The following TMEM243 variants were observed in gnomAD, a reference collection of about 807,000 sequenced individuals.
The protein encoded by TMEM243 is MDR1 and mitochondrial taxol resistance associated.
A neutral mutation model predicts 15.0 loss-of-function variants in TMEM243; 20 were observed. The ratio of observed to expected loss-of-function variants is 1.33; its 90% CI spans 0.94 to 1.93. The LOEUF (loss-of-function observed/expected upper bound fraction) is 1.93. TMEM243 is among the 30% of genes most tolerant of loss of function. TMEM243 has a pLI of 0.00. For missense variants in TMEM243, 156 were observed against 142.1 expected, an observed-to-expected ratio of 1.10 and a Z score of -0.50; for synonymous variants, 72 against 52.7, an observed-to-expected ratio of 1.37 and a Z score of -1.59.
chr7:87,217,796 A>G (rs1803218484), intron 1 of TMEM243, among the ~76,000 whole-genome samples: 1 of 152,288 alleles, frequency 6.6e-6, no homozygotes, highest in African/African-American at 2.4e-5. Flanking sequence ...TTGGAATAAT[A>G]AAGTTCTTGA....
At chr7:87,218,955 C>T (rs1169490770) in intron 1 of TMEM243, among the ~76,000 whole-genome samples, 1 of 152,154 alleles carries the variant, frequency 6.6e-6, no homozygotes, top group Non-Finnish European at 1.5e-5. Context: ...GAATCCCTCA[C>T]CTCAAGCCTC....
intron 3 of TMEM243, among the ~76,000 whole-genome samples, chr7:87,197,346 T>C (rs1801378588): frequency 6.6e-6 from 1 of 152,054 alleles, no homozygotes; most frequent in South Asian, 2.1e-4. Context: ...ATTCTGCCTC[T>C]AAAGGAACAT....
upstream of TMEM243, chr7:87,219,841 T>TGGGCCGCCAGGGTA (rs1426321128): frequency 1.6e-4 from 56 of 343,636 alleles, no homozygotes; most frequent in African/African-American, 1.2e-3. Flanking sequence ...TCCGCCCCTC[T>TGGGCCGCCAGGGTA]GGGCCGCCAG....
chr7:87,202,907 G>C (rs1275205271), intron 1 of TMEM243: 1 of 152,178 alleles, frequency 6.6e-6, no homozygotes, highest in Non-Finnish European at 1.5e-5. Context: ...GACTGCACTT[G>C]GGCCAGAGAA....
intron 1 of TMEM243, among the ~76,000 whole-genome samples, chr7:87,205,019 A>G (rs564114949): frequency 6.6e-6 from 1 of 152,282 alleles, no homozygotes; most frequent in Admixed American, 6.5e-5. Flanking sequence ...ACTTCTGCGC[A>G]CCTGCGGACC....
chr7:87,204,196 A>C (rs1562880555), intron 1 of TMEM243, among the ~76,000 whole-genome samples: 1 of 152,154 alleles, frequency 6.6e-6, no homozygotes, highest in Non-Finnish European at 1.5e-5. Flanking sequence ...GTATGGGGGA[A>C]ACCGTCCCCA....
intron 1 of TMEM243, 99 bp from the exon 2 acceptor site, chr7:87,199,156 C>A: frequency 1.1e-6 from 1 of 930,332 alleles, no homozygotes; most frequent in South Asian, 1.7e-5. Context: ...ATAAAGAAAC[C>A]CAAGATCCAG....
At chr7:87,210,718 G>A (rs1475624987) in intron 1 of TMEM243, among the ~76,000 whole-genome samples, 1 of 152,268 alleles carries the variant, frequency 6.6e-6, no homozygotes, top group Admixed American at 6.5e-5. Context: ...TGGTTCTGCA[G>A]GGTACAGCCC....
chr7:87,209,457 A>C (rs1802456373), intron 1 of TMEM243, among the ~76,000 whole-genome samples: 1 of 150,198 alleles, frequency 6.7e-6, no homozygotes, highest in Non-Finnish European at 1.5e-5. Flanking sequence ...ACAGTGAGAC[A>C]GACAGAGTGA....
intron 1 of TMEM243, among the ~76,000 whole-genome samples, chr7:87,209,758 G>GACACAGTGAGAGCGAGAC (rs1407146634): frequency 2.5e-5 from 1 of 40,244 alleles, no homozygotes; most frequent in Admixed American, 2.4e-4. Flanking sequence ...CACAGAGCGA[G>GACACAGTGAGAGCGAGAC]ACAGTGAGAG....
At chr7:87,197,400 AC>A (rs1801384696) in intron 3 of TMEM243, among the ~76,000 whole-genome samples, 1 of 152,132 alleles carries the variant, frequency 6.6e-6, no homozygotes, top group Non-Finnish European at 1.5e-5. Flanking sequence ...AGGAGCCACC[AC>A]CATCTTTGTT....
rs200780282 is a variant in TMEM243, at chr7:87,203,449, C to CA, written c.79-4393dup. 1.7e-4 allele frequency among the ~76,000 whole-genome samples: 25 copies of CA among 151,094 alleles called. 1 individual carries two copies. The highest frequency in any genetic ancestry group is 6.3e-4 in the South Asian group (3 of 4,772). ...GAAAAATACTGAGACCTTGTATCTACAAAAAAAATATAAAAATTATCTGGG... is the reference window on the plus strand; with the variant it reads ...GAAAAATACTGAGACCTTGTATCTACAAAAAAAAATATAAAAATTATCTGGG... On this transcript the variant is annotated intron_variant, in intron 1 of 3. Coordinates refer to ENST00000257637, the MANE Select transcript of TMEM243 (RefSeq NM_024315.4).
At chr7:87,218,140 G>A (rs1195940175) in intron 1 of TMEM243, among the ~76,000 whole-genome samples, 4 of 152,184 alleles carry the variant, frequency 2.6e-5, no homozygotes, top group Non-Finnish European at 5.9e-5. Context: ...CATCACATTT[G>A]TCTACGTTTT....
chr7:87,219,522 T>A lies in TMEM243; in HGVS notation c.-19A>T. 1 of 1,612,872 alleles carries A rather than the reference T, an allele frequency of 6.2e-7. No homozygotes were observed. On this transcript the variant is annotated 5_prime_UTR_variant, in exon 1 of 4. Transcript: ENST00000257637. ...CCTCCATTTTGGGGTTTCTTCACTT[T>A]CCCCAAGCCACTTAAAAGCAAGACA...
In TMEM243 at chr7:87,196,375, T is replaced by G. The variant is rs1246636128; in HGVS notation, c.*261A>C. ...CCTTTTGCCATACAATTATAAAAATTTCATTTCAAAAGTGAAATTTTTTTG... is the reference window on the plus strand; with the variant it reads ...CCTTTTGCCATACAATTATAAAAATGTCATTTCAAAAGTGAAATTTTTTTG... On this transcript the variant is annotated 3_prime_UTR_variant, in exon 4 of 4. Transcript: ENST00000257637. 6.3e-6 allele frequency: 2 copies of G among 315,268 alleles called. No individual in the cohort carries two copies. The highest frequency in any genetic ancestry group is 1.2e-5 in the Non-Finnish European group (2 of 173,750). 19.5% of individuals were successfully genotyped at this position (315,268 alleles called of 1,614,324 possible). A position where few individuals can be genotyped will look rare whatever the true frequency, so the allele number is the denominator to read the frequency against.
intron 3 of TMEM243, among the ~76,000 whole-genome samples, chr7:87,197,210 A>G (rs1448959544): frequency 6.6e-6 from 1 of 152,118 alleles, no homozygotes; most frequent in Non-Finnish European, 1.5e-5. Flanking sequence ...CCAAAGTGGG[A>G]TGGGCTAGTT....
intron 1 of TMEM243, among the ~76,000 whole-genome samples, chr7:87,217,286 C>T (rs1325318974): frequency 6.6e-6 from 1 of 152,198 alleles, no homozygotes; most frequent in Admixed American, 6.5e-5. Flanking sequence ...TGTGTCGTTT[C>T]CTGGCATGTA....
In TMEM243 at chr7:87,219,646, G is replaced by A; in HGVS notation, c.-143C>T. 2 of 699,266 alleles carry A rather than the reference G, an allele frequency of 2.9e-6. No homozygotes were observed. The highest frequency in any genetic ancestry group is 4.9e-6 in the Non-Finnish European group (2 of 405,178). The allele number at this position is 699,266 out of a possible 1,614,324, so 43.3% of individuals were successfully genotyped here. ...TGGTCGGGGAAGCGCTGGCGCCAGG[G>A]ATGGGTGGGGGCTCACACGCGGGGA... is the stretch of plus-strand genomic sequence containing the variant. On this transcript the variant is annotated 5_prime_UTR_variant, in exon 1 of 4. Transcript: ENST00000257637.
chr7:87,197,434 T>C lies in TMEM243; in HGVS notation c.234+507A>G, dbSNP rs568694371. 1.9e-3 allele frequency among the ~76,000 whole-genome samples: 286 copies of C among 152,240 alleles called. 1 individual carries two copies. The highest frequency in any genetic ancestry group is 6.4e-3 in the African/African-American group (265 of 41,566). On this transcript the variant is annotated intron_variant, in intron 3 of 3. Transcript: ENST00000257637. ...GTTTCTTCACCATAAAAGAAACATTTGCAGTAAATCAAACATTTTTACAAC... is the reference window on the plus strand; with the variant it reads ...GTTTCTTCACCATAAAAGAAACATTCGCAGTAAATCAAACATTTTTACAAC...
Sources: gnomAD v4.1 joint callset for allele counts (sites outside exome capture counted in the v4.1 genomes callset) on GRCh38, gnomAD v4.1.1 for gene constraint, MANE v1.5 for transcripts, NCBI Gene and HGNC (gene_info 2026-07-23, HGNC 2026-07-21) for gene names.